FAT4: variants seen among roughly 807,000 people sequenced by gnomAD.
FAT4 encodes protocadherin Fat 4.
FAT4 carries 84 observed loss-of-function variants against 303.9 expected under a neutral mutation model. The observed-to-expected ratio is 0.28, with a 90% CI of 0.23 to 0.33. The LOEUF (loss-of-function observed/expected upper bound fraction) is 0.33. Among genes scored for constraint, FAT4 ranks in the 10% least tolerant of loss-of-function variants. The pLI, the probability that FAT4 is intolerant of heterozygous loss-of-function variation, is 1.00. For missense variants in FAT4, 6,005 were observed against 6,146.8 expected, an observed-to-expected ratio of 0.98 and a Z score of 0.77; for synonymous variants, 2,307 against 2,298.8, an observed-to-expected ratio of 1.00 and a Z score of -0.10.
In FAT4 at chr4:125,415,255, A is replaced by G. The variant is rs1181581377; in HGVS notation, c.6292A>G (p.Ser2098Gly). 1.9e-6 allele frequency: 3 copies of G among 1,614,000 alleles called. No homozygotes were observed. Among genetic ancestry groups the G allele is most frequent in the Non-Finnish European group, 2.5e-6 (3 of 1,180,010 alleles). The change falls in exon 6 of 18, where the codon AGT (serine) becomes GGT (glycine). Residue 2098 changes from serine to glycine, a missense_variant. Transcript: ENST00000394329. ...GCTGAACCCTTTGGGAAACAAGTTC[A>G]GTATTGGGACCATTGATGGTGAAGT... ...TLLNPLGNKF[S>G]IGTIDGEVRL...
chr4:125,445,562 A>G (rs1289351571), intron 8 of FAT4, among the ~76,000 whole-genome samples: 6 of 152,094 alleles, frequency 3.9e-5, no homozygotes, highest in Non-Finnish European at 7.4e-5. Flanking sequence ...TTCCTGGCTG[A>G]TCTTTGGGAC....
At chr4:125,398,708 T>C in intron 2 of FAT4, 76 bp from the exon 3 acceptor site, 5 of 1,454,308 alleles carry the variant, frequency 3.4e-6, no homozygotes, top group Non-Finnish European at 4.7e-6. Flanking sequence ...ATTGCGTGGA[T>C]TCCTGGTAGT....
chr4:125,475,706 T>C (rs529688302), intron 12 of FAT4, among the ~76,000 whole-genome samples: 16 of 152,246 alleles, frequency 1.1e-4, no homozygotes, highest in Non-Finnish European at 1.9e-4. Flanking sequence ...TTATATTGTA[T>C]TTTCCTAATC....
intron 2 of FAT4, among the ~76,000 whole-genome samples, chr4:125,341,148 T>G (rs1328383286): frequency 7.2e-5 from 11 of 152,106 alleles, no homozygotes; most frequent in Non-Finnish European, 1.6e-4. Context: ...TAAACCTTCT[T>G]AGGAAAAGCA....
intron 5 of FAT4, among the ~76,000 whole-genome samples, chr4:125,414,424 T>A (rs773804629): frequency 6.6e-6 from 1 of 152,158 alleles, no homozygotes; most frequent in Non-Finnish European, 1.5e-5. Flanking sequence ...AGCTAGACAC[T>A]TAATAGGAAT....
intron 2 of FAT4, among the ~76,000 whole-genome samples, chr4:125,334,859 A>C (rs1173535755): frequency 1.3e-5 from 2 of 152,156 alleles, no homozygotes; most frequent in East Asian, 3.9e-4. Flanking sequence ...CACTAAAAAC[A>C]TTAAAATACC....
At chr4:125,411,739 T>C (rs1338941012) in intron 5 of FAT4, among the ~76,000 whole-genome samples, 1 of 148,160 alleles carries the variant, frequency 6.7e-6, no homozygotes, top group Non-Finnish European at 1.5e-5. Flanking sequence ...TATATATATT[T>C]TTATATATTT....
chr4:125,406,516 T>C (rs148769265), intron 3 of FAT4, among the ~76,000 whole-genome samples: 9 of 152,360 alleles, frequency 5.9e-5, no homozygotes, highest in African/African-American at 2.2e-4. Flanking sequence ...GGAATTGCTT[T>C]ACCTATTTGT....
rs1339931512 is a variant in FAT4 at position 125,318,663 on chromosome 4, T to C, written c.2252T>C (p.Leu751Pro). ...QSGVISTRMALDREEKTAYQL... is the reference protein window; with the variant it reads ...QSGVISTRMAPDREEKTAYQL... ...GGGGTTATTTCTACAAGAATGGCCC[T>C]AGACAGAGAAGAAAAAACAGCTTAT... The change falls in exon 2 of 18, where the codon CTA (leucine) becomes CCA (proline). Residue 751 changes from leucine (L) to proline (P), a missense_variant. Leu to Pro is a moderately conservative substitution (Grantham distance 98). Coordinates refer to ENST00000394329, the MANE Select transcript of FAT4 (RefSeq NM_001291303.3). 6.2e-7 allele frequency: 1 copy of C among 1,614,104 alleles called. No individual in the cohort carries two copies. The highest frequency in any genetic ancestry group is 2.2e-5 in the East Asian group (1 of 44,864).
intron 14 of FAT4, among the ~76,000 whole-genome samples, chr4:125,479,424 G>C (rs1385550190): frequency 6.6e-6 from 1 of 152,066 alleles, no homozygotes; most frequent in Admixed American, 6.6e-5. Flanking sequence ...GTGGTCCCTG[G>C]ATCATATGTA....
intron 3 of FAT4, 58 bp downstream of exon 3, chr4:125,398,973 T>G: frequency 1.3e-6 from 2 of 1,561,304 alleles, no homozygotes; most frequent in Non-Finnish European, 8.8e-7. Flanking sequence ...TTTATCAAAT[T>G]TCTAGGATAT....
intron 3 of FAT4, among the ~76,000 whole-genome samples, chr4:125,399,203 ATC>A (rs1734293623): frequency 6.6e-6 from 1 of 152,052 alleles, no homozygotes; most frequent in African/African-American, 2.4e-5. Flanking sequence ...CTAAAGAGGT[ATC>A]TCTATTTTAT....
chr4:125,335,322 ATGT>A (rs1731528828), intron 2 of FAT4, among the ~76,000 whole-genome samples: 1 of 152,128 alleles, frequency 6.6e-6, no homozygotes, highest in East Asian at 1.9e-4. Context: ...TGGAAAAAAA[ATGT>A]TGGTGGTAGA....
chr4:125,375,094 G>T lies in FAT4; in HGVS notation c.5176-23690G>T, dbSNP rs2710581. Reference sequence around the variant, plus strand: ...TTTTTATTTTATTTATTTAAAAATAGATTATCACTTGAGAAAAGACAGCAT... The same window carrying T: ...TTTTTATTTTATTTATTTAAAAATATATTATCACTTGAGAAAAGACAGCAT... On this transcript the variant is annotated intron_variant, in intron 2 of 17. Coordinates refer to ENST00000394329, the MANE Select transcript of FAT4 (RefSeq NM_001291303.3). Among the ~76,000 whole-genome samples the T allele has an allele frequency of 9.2e-3, 1,408 of 152,254 alleles. 16 individuals carry two copies. Among genetic ancestry groups the T allele is most frequent in the African/African-American group, 0.032 (1,346 of 41,558 alleles).
In FAT4 at chr4:125,490,921, GAC is replaced by G; in HGVS notation, c.14109_14110del (p.His4703GlnfsTer13). The G allele has an allele frequency of 6.2e-7, 1 of 1,614,110 alleles. No individual in the cohort carries two copies. Among genetic ancestry groups the G allele is most frequent in the Non-Finnish European group, 8.5e-7 (1 of 1,180,028 alleles). ...TGCCCAACTCCCAACCCTCTGTCTC[GAC>G]ACAGTCCAGCCCCTTTCTCCAAATC... On this transcript the variant is annotated frameshift_variant, in exon 18 of 18. Transcript: ENST00000394329. LOFTEE classifies it high-confidence loss of function.
chr4:125,368,777 C>T (rs936857811), intron 2 of FAT4, among the ~76,000 whole-genome samples: 19 of 151,650 alleles, frequency 1.3e-4, no homozygotes, highest in African/African-American at 4.6e-4. Context: ...TGGCTTCTAG[C>T]CATAAGCCTG....
intron 2 of FAT4, chr4:125,362,688 A>T (rs952658420): frequency 1.3e-5 from 2 of 152,218 alleles, no homozygotes; most frequent in African/African-American, 4.8e-5. Flanking sequence ...ATTGCACTAT[A>T]TATTCTTCTT....
chr4:125,453,877 A>G (rs1181590483), intron 10 of FAT4, among the ~76,000 whole-genome samples: 1 of 152,200 alleles, frequency 6.6e-6, no homozygotes, highest in African/African-American at 2.4e-5. Context: ...CCCTAGTGGG[A>G]TATGATGTCC....
intron 2 of FAT4, 97 bp downstream of exon 2, chr4:125,321,683 T>C: frequency 8.1e-7 from 1 of 1,232,736 alleles, no homozygotes; most frequent in Admixed American, 2.8e-5. Flanking sequence ...CTTCATTGTT[T>C]ATTGTTAAAT....
Sources: gnomAD v4.1 joint callset for allele counts (sites outside exome capture counted in the v4.1 genomes callset) on GRCh38, gnomAD v4.1.1 for gene constraint, MANE v1.5 for transcripts, NCBI Gene and HGNC (gene_info 2026-07-23, HGNC 2026-07-21) for gene names.